Variants in SPATS1 observed in about 807,000 individuals in gnomAD.
SPATS1 encodes the protein spermatogenesis associated serine rich 1.
Under a neutral mutation model 33.6 loss-of-function variants are expected in SPATS1, and 23 were observed. The observed-to-expected ratio is 0.68, with a 90% CI of 0.49 to 0.97. The LOEUF (loss-of-function observed/expected upper bound fraction) is 0.97. SPATS1 is among the 50% of genes least tolerant of loss of function. The pLI is 0.00. For missense variants in SPATS1, 327 were observed against 361.0 expected (o/e 0.91, Z 0.76); for synonymous variants, 131 against 125.6 (o/e 1.04, Z -0.29).
chr6:44,376,611 C>T, intron 8 of SPATS1, 138 bp downstream of exon 8: 2 of 587,280 alleles, frequency 3.4e-6, no homozygotes, highest in Non-Finnish European at 5.9e-6. Context: ...ACAAGCCTGA[C>T]CAACATGGTG....
rs1790048612 is a variant in SPATS1 at position 44,377,980 on chromosome 6, C to A, written c.*917C>A. The A allele has an allele frequency of 6.6e-6, 1 of 152,136 alleles. No homozygotes were observed. Among genetic ancestry groups the A allele is most frequent in the Non-Finnish European group, 1.5e-5 (1 of 68,028 alleles). The allele number at this position is 152,136 out of a possible 1,614,324, so 9.4% of individuals were successfully genotyped here. On this transcript the variant is annotated 3_prime_UTR_variant, in exon 9 of 9. Transcript: ENST00000674044. Reference sequence around the variant, plus strand: ...TGAACTTTCATTGCTTTTGGTAAAACTTTTCATTTTATTAATACCTTTTGG... The same window carrying A: ...TGAACTTTCATTGCTTTTGGTAAAAATTTTCATTTTATTAATACCTTTTGG...
rs55976441 is a variant in SPATS1, at chr6:44,379,599, C to CAAAAAAAAAA, written c.*2555_*2564dup. On this transcript the variant is annotated 3_prime_UTR_variant, in exon 9 of 9. Coordinates refer to ENST00000674044, the MANE Select transcript of SPATS1 (RefSeq NM_001372081.1). ...TGGGCAACAGAGTGAGACTCTGTCTCAAAAAAAAAAAAAAAAAAAAAAAAA... is the reference window on the plus strand; with the variant it reads ...TGGGCAACAGAGTGAGACTCTGTCTCAAAAAAAAAAAAAAAAAAAAAAAAAAAAAAAAAAA... Among the ~76,000 whole-genome samples the CAAAAAAAAAA allele has an allele frequency of 1.1e-4, 6 of 54,742 alleles. No individual in the cohort carries two copies. The highest frequency in any genetic ancestry group is 2.3e-4 in the African/African-American group (3 of 13,144). The allele number at this position is 54,742 out of a possible 152,430, so 35.9% of individuals were successfully genotyped here.
At chr6:44,371,402 C>A (rs1053919441) in intron 7 of SPATS1, among the ~76,000 whole-genome samples, 1 of 152,046 alleles carries the variant, frequency 6.6e-6, no homozygotes, top group African/African-American at 2.4e-5. Flanking sequence ...GGGACAGTCA[C>A]CCTAATGAAA....
Position 44,352,816 on chromosome 6 carries a change from A to T in SPATS1, c.230A>T (p.Glu77Val). 6.2e-7 allele frequency: 1 copy of T among 1,614,176 alleles called. No homozygotes were observed. Among genetic ancestry groups the T allele is most frequent in the Non-Finnish European group, 8.5e-7 (1 of 1,180,010 alleles). Residue 77 changes from glutamate (E) to valine (V), a missense_variant, in exon 3 of 9, where the codon GAA (glutamate) becomes GTA (valine). Physicochemically the swap from Glu to Val is moderately radical, Grantham distance 121. Coordinates refer to ENST00000674044, the MANE Select transcript of SPATS1 (RefSeq NM_001372081.1). Reference sequence around the variant, plus strand: ...AGTGTCAGTTCCTCATCTTCTGTGGAAACAGGCCCAAGTGTCAGTGAGCCT... The same window carrying T: ...AGTGTCAGTTCCTCATCTTCTGTGGTAACAGGCCCAAGTGTCAGTGAGCCT... ...GKSVSSSSSV[E>V]TGPSVSEPPG...
At chr6:44,372,424 T>C (rs1417601228) in intron 7 of SPATS1, among the ~76,000 whole-genome samples, 1 of 151,814 alleles carries the variant, frequency 6.6e-6, no homozygotes, top group African/African-American at 2.4e-5. Context: ...TTGTTGAGTA[T>C]TTGGATTTTG....
At chr6:44,356,413 A>G (rs1788591225) in intron 3 of SPATS1, among the ~76,000 whole-genome samples, 1 of 152,248 alleles carries the variant, frequency 6.6e-6, no homozygotes, top group African/African-American at 2.4e-5. Context: ...TAACTTAGTT[A>G]CTTAAAACAA....
intron 5 of SPATS1, among the ~76,000 whole-genome samples, chr6:44,363,187 C>T (rs930174399): frequency 3.3e-5 from 5 of 151,530 alleles, no homozygotes; most frequent in Non-Finnish European, 5.9e-5. Context: ...GGCTGGAGTG[C>T]AGTGCCACCA....
chr6:44,373,039 T>A (rs1223479161), intron 7 of SPATS1, among the ~76,000 whole-genome samples: 1 of 152,216 alleles, frequency 6.6e-6, no homozygotes, highest in East Asian at 1.9e-4. Flanking sequence ...TTGTCTGATC[T>A]TTTGGAGTTC....
At chr6:44,348,065 G>A (rs1684300300) in intron 2 of SPATS1, among the ~76,000 whole-genome samples, 2 of 150,278 alleles carry the variant, frequency 1.3e-5, no homozygotes, top group Non-Finnish European at 1.5e-5. Context: ...GTAGTGCAGT[G>A]TGGCATGATC....
intron 5 of SPATS1, among the ~76,000 whole-genome samples, chr6:44,364,421 A>C (rs996959716): frequency 2.0e-5 from 3 of 152,182 alleles, no homozygotes; most frequent in African/African-American, 7.2e-5. Flanking sequence ...ATGGTGAAGA[A>C]ACTAGGCCTT....
intron 3 of SPATS1, among the ~76,000 whole-genome samples, chr6:44,353,927 T>C (rs1050960516): frequency 2.0e-5 from 3 of 151,252 alleles, no homozygotes; most frequent in African/African-American, 7.3e-5. Flanking sequence ...GTCCCAGCTA[T>C]TCGGGAGGCT....
At chr6:44,374,478 T>G (rs1789814210) in intron 7 of SPATS1, among the ~76,000 whole-genome samples, 1 of 152,258 alleles carries the variant, frequency 6.6e-6, no homozygotes, top group Non-Finnish European at 1.5e-5. Flanking sequence ...TATTTGCATC[T>G]GACCTTTGCC....
chr6:44,359,396 C>T (rs1208964736), intron 3 of SPATS1, among the ~76,000 whole-genome samples: 1 of 152,108 alleles, frequency 6.6e-6, no homozygotes. Context: ...AATAACTTGC[C>T]ATTCTCCCCT....
rs770122015 is a variant in SPATS1, at chr6:44,370,089, T to C, written c.734T>C (p.Leu245Pro). The C allele has an allele frequency of 8.1e-6, 13 of 1,612,572 alleles. No individual in the cohort carries two copies. The Admixed American group carries it at 1.5e-4, about 19-fold the overall frequency. The change falls in exon 7 of 9, where the codon CTT becomes CCT. Residue 245 changes from leucine (L) to proline (P), a missense_variant. Coordinates refer to ENST00000674044, the MANE Select transcript of SPATS1 (RefSeq NM_001372081.1). ...YEKKFDTFIP[L>P]EPLPQIPNLP... ...AAGAAATTTGATACATTTATTCCAC[T>C]TGAGCCTCTTCCACAAATTCCCAAG...
chr6:44,361,768 G>T (rs1788935512), intron 4 of SPATS1, 63 bp from the exon 5 acceptor site: 1 of 1,603,142 alleles, frequency 6.2e-7, no homozygotes, highest in Non-Finnish European at 8.5e-7. Flanking sequence ...ACAGCTTTTT[G>T]TCATCCAGTT....
chr6:44,364,772 TTTC>T (rs1192178386), intron 5 of SPATS1, among the ~76,000 whole-genome samples: 4 of 149,252 alleles, frequency 2.7e-5, no homozygotes, highest in South Asian at 2.1e-4. Flanking sequence ...TCTTTTTCTT[TTTC>T]TTCTTTTCTT....
At chr6:44,360,379 A>G (rs1350754206) in intron 3 of SPATS1, 67 bp from the exon 4 acceptor site, 2 of 1,604,684 alleles carry the variant, frequency 1.2e-6, no homozygotes, top group Non-Finnish European at 1.7e-6. Context: ...TCTAGGGTAA[A>G]CTATGTGAGA....
At chr6:44,347,982 C>T (rs963635780) in intron 2 of SPATS1, among the ~76,000 whole-genome samples, 5 of 150,556 alleles carry the variant, frequency 3.3e-5, no homozygotes, top group African/African-American at 1.2e-4. Flanking sequence ...TAATTATGGC[C>T]TTGTTTCATT....
intron 2 of SPATS1, among the ~76,000 whole-genome samples, chr6:44,344,764 A>G (rs558481415): frequency 2.6e-5 from 4 of 152,126 alleles, no homozygotes; most frequent in Non-Finnish European, 5.9e-5. Context: ...CTTTCTTCCA[A>G]ATTCTCTTTT....
Sources: allele counts gnomAD v4.1 joint callset (sites outside exome capture counted in the v4.1 genomes callset), GRCh38; gene constraint gnomAD v4.1.1; transcripts MANE v1.5; gene names NCBI Gene and HGNC (gene_info 2026-07-23, HGNC 2026-07-21).